The following STX18 variants were observed in gnomAD, a reference collection of about 807,000 sequenced individuals.
STX18 encodes the protein syntaxin-18.
A neutral mutation model predicts 50.1 loss-of-function variants in STX18; 40 were observed. The ratio of observed to expected loss-of-function variants is 0.80; its 90% CI spans 0.62 to 1.04. The LOEUF is 1.04. Among genes scored for constraint, STX18 ranks in the 50% least tolerant of loss-of-function variants. The pLI, the probability that STX18 is intolerant of heterozygous loss-of-function variation, is 0.00. For synonymous variants in STX18, 158 were observed against 151.8 expected (o/e 1.04, Z -0.30); for missense variants, 410 against 415.8 (o/e 0.99, Z 0.12).
intron 1 of STX18, among the ~76,000 whole-genome samples, chr4:4,477,565 T>A (rs777218539): frequency 6.6e-6 from 1 of 152,160 alleles, no homozygotes; most frequent in African/African-American, 2.4e-5. Context: ...AGTGACAGCA[T>A]CATGGCTGCC....
intron 1 of STX18, chr4:4,506,939 G>A (rs1407738983): frequency 3.5e-6 from 1 of 284,422 alleles, no homozygotes; most frequent in Non-Finnish European, 6.9e-6. Context: ...CATGGGGGAT[G>A]GGACTATTGT....
At position 4,425,230 on chromosome 4, in the gene STX18, G is replaced by GAAACAGACA; in HGVS notation, c.703-17_703-9dup. The stretch of plus-strand genomic sequence containing the variant: ...CTGATTTTCCTGTTCAAACTGTGAG[G>GAAACAGACA]AAACAGACACACTCAGGATGACATC... On this transcript the variant is annotated splice_polypyrimidine_tract_variant and intron_variant, in intron 7 of 10. Coordinates refer to ENST00000306200, the MANE Select transcript of STX18 (RefSeq NM_016930.4). 6.2e-7 allele frequency: 1 copy of GAAACAGACA among 1,613,410 alleles called. No homozygotes were observed. The highest frequency in any genetic ancestry group is 8.5e-7 in the Non-Finnish European group (1 of 1,179,368).
At chr4:4,538,978 T>C (rs904975431) in intron 1 of STX18, among the ~76,000 whole-genome samples, 1 of 152,234 alleles carries the variant, frequency 6.6e-6, no homozygotes, top group African/African-American at 2.4e-5. Context: ...TTTGAGTATA[T>C]ATAAATTTAG....
In STX18 at chr4:4,437,858, C is replaced by T. The variant is rs539794403; in HGVS notation, c.613+536G>A. On this transcript the variant is annotated intron_variant, in intron 6 of 10. Coordinates refer to ENST00000306200, the MANE Select transcript of STX18 (RefSeq NM_016930.4). ...GTGTATGTCCCCCTACATTTTCGGACTTCATGGAGACCCTGTATTTCTTCT... is the reference window on the plus strand; with the variant it reads ...GTGTATGTCCCCCTACATTTTCGGATTTCATGGAGACCCTGTATTTCTTCT... Among the ~76,000 whole-genome samples the T allele has an allele frequency of 9.8e-5, 15 of 152,374 alleles. No individual in the cohort carries two copies. In the East Asian group the frequency reaches 2.9e-3, roughly 29 times the overall value.
At chr4:4,510,142 T>C (rs910355085) in intron 1 of STX18, among the ~76,000 whole-genome samples, 3 of 152,298 alleles carry the variant, frequency 2.0e-5, no homozygotes, top group African/African-American at 7.2e-5. Flanking sequence ...CATTTTATAA[T>C]GGGTGCCTAC....
chr4:4,454,573 T>C (rs934853132), intron 5 of STX18, among the ~76,000 whole-genome samples: 1 of 152,222 alleles, frequency 6.6e-6, no homozygotes, highest in African/African-American at 2.4e-5. Flanking sequence ...GCCTACCTCC[T>C]TCTCCGTAAT....
At chr4:4,515,551 CACTGTATTTTAT>C (rs1466292160) in intron 1 of STX18, among the ~76,000 whole-genome samples, 1 of 151,990 alleles carries the variant, frequency 6.6e-6, no homozygotes, top group African/African-American at 2.4e-5. Flanking sequence ...GAATACTATA[CACTGTATTTTAT>C]ACTGGATACC....
chr4:4,420,008 C>T lies in STX18; in HGVS notation c.*26G>A. 2 of 1,589,086 alleles carry T rather than the reference C, an allele frequency of 1.3e-6. No homozygotes were observed. The highest frequency in any genetic ancestry group is 8.6e-7 in the Non-Finnish European group (1 of 1,165,512). On this transcript the variant is annotated 3_prime_UTR_variant, in exon 11 of 11. Transcript: ENST00000306200. This position sits in a 1 kb window ranked among gnomAD's most constrained non-coding sequence, Gnocchi z 4.3. The stretch of plus-strand genomic sequence containing the variant: ...CAGTCTGTGAGTGCCCATGAGGACT[C>T]TCGTGCTGGGCCCCCGTGGCCCTGG...
intron 5 of STX18, chr4:4,453,585 T>C (rs1726879066): frequency 1.4e-6 from 1 of 708,312 alleles, no homozygotes; most frequent in Non-Finnish European, 1.7e-6. Context: ...ACTTGCTTTA[T>C]TGTGATATTC....
chr4:4,435,407 T>C (rs1482735128), intron 6 of STX18, among the ~76,000 whole-genome samples: 1 of 152,208 alleles, frequency 6.6e-6, no homozygotes, highest in Non-Finnish European at 1.5e-5. Flanking sequence ...CAAAGATATA[T>C]GAGTCCCTGT....
chr4:4,478,765 C>T (rs1168445962), intron 1 of STX18: 3 of 152,446 alleles, frequency 2.0e-5, no homozygotes, highest in African/African-American at 7.2e-5. Flanking sequence ...ACTCACTCTT[C>T]TTAGAGGGAA....
intron 1 of STX18, among the ~76,000 whole-genome samples, chr4:4,534,925 G>C (rs1731262154): frequency 1.3e-5 from 2 of 152,224 alleles, no homozygotes; most frequent in Non-Finnish European, 2.9e-5. Context: ...GCCAGTTTGT[G>C]GACCCCTGCT....
At chr4:4,512,599 C>T (rs563517508) in intron 1 of STX18, among the ~76,000 whole-genome samples, 102 of 152,256 alleles carry the variant, frequency 6.7e-4, no homozygotes, top group African/African-American at 2.4e-3. Flanking sequence ...AGCAAACAGC[C>T]AGGACATTAC....
At chr4:4,467,788 T>C (rs905500393) in intron 2 of STX18, among the ~76,000 whole-genome samples, 6 of 152,118 alleles carry the variant, frequency 3.9e-5, no homozygotes, top group Admixed American at 6.5e-5. Flanking sequence ...TAGAACTTTT[T>C]TTCTAAGCAA....
In STX18 at chr4:4,419,863, G is replaced by A. The variant is rs190123915; in HGVS notation, c.*171C>T. The A allele has an allele frequency of 1.4e-4, 83 of 611,514 alleles. 1 individual carries two copies. The highest frequency in any genetic ancestry group is 7.9e-4 in the Admixed American group (28 of 35,292). 37.9% of individuals were successfully genotyped at this position (611,514 alleles called of 1,614,324 possible). A position where few individuals can be genotyped will look rare whatever the true frequency, so the allele number is the denominator to read the frequency against. The stretch of plus-strand genomic sequence containing the variant: ...AGCTGCTAAATGGCTGAACACCATC[G>A]GCCTGGGGTATCCCTTTTTGGGGAA... On this transcript the variant is annotated 3_prime_UTR_variant, in exon 11 of 11. Transcript: ENST00000306200.
chr4:4,461,676 C>T (rs1727385286), intron 2 of STX18, among the ~76,000 whole-genome samples: 1 of 152,194 alleles, frequency 6.6e-6, no homozygotes, highest in South Asian at 2.1e-4. Flanking sequence ...AGTCTACCAC[C>T]TTTGGGAGGG....
intron 8 of STX18, 60 bp downstream of exon 8, chr4:4,425,104 C>G (rs1330886092): frequency 1.7e-5 from 25 of 1,501,726 alleles, no homozygotes; most frequent in Non-Finnish European, 2.2e-5. Flanking sequence ...AAATAAAGTT[C>G]CTAGTTCCTG....
chr4:4,466,441 A>T (rs1359630056), intron 2 of STX18, among the ~76,000 whole-genome samples: 1 of 152,200 alleles, frequency 6.6e-6, no homozygotes. Context: ...CACATCCTGC[A>T]GGCAGAGAAG....
At chr4:4,471,572 G>A (rs543048646) in intron 2 of STX18, 67 bp downstream of exon 2, 44 of 1,103,794 alleles carry the variant, frequency 4.0e-5, no homozygotes, top group Non-Finnish European at 4.9e-5. Context: ...GGCAAAAAGC[G>A]CAAAAGAAAT....
Sources: allele counts gnomAD v4.1 joint callset (sites outside exome capture counted in the v4.1 genomes callset), GRCh38; gene constraint gnomAD v4.1.1; non-coding constraint Gnocchi (gnomAD v3.1); transcripts MANE v1.5; gene names NCBI Gene and HGNC (gene_info 2026-07-23, HGNC 2026-07-21).